CDK11B: variants seen among roughly 807,000 people sequenced by gnomAD.
CDK11B encodes the protein cyclin dependent kinase 11B.
Under a neutral mutation model 84.0 loss-of-function variants are expected in CDK11B, and 37 were observed. The ratio of observed to expected loss-of-function variants is 0.44; its 90% CI spans 0.34 to 0.58. The LOEUF (loss-of-function observed/expected upper bound fraction) is 0.58, where lower values mean the gene tolerates loss of function less well. Among genes scored for constraint, CDK11B ranks in the 20% least tolerant of loss-of-function variants. CDK11B has a pLI of 0.02. For missense variants in CDK11B, 427 were observed against 834.0 expected (o/e 0.51, Z 6.01); for synonymous variants, 269 against 309.8 (o/e 0.87, Z 1.38).
Position 1,640,412 on chromosome 1 carries a change from T to C in CDK11B, c.1116A>G (p.Glu372=), listed in dbSNP as rs1640095871. The change falls in exon 11 of 20, where the codon GAA becomes GAG. Residue 372 remains glutamate (E), a synonymous_variant. Transcript: ENST00000341832. ...CCTCACCCACTTCTTCCTCTGCTTCTTCACTCTCCCCGGAATCTCGGTCGA... is the reference window on the plus strand; with the variant it reads ...CCTCACCCACTTCTTCCTCTGCTTCCTCACTCTCCCCGGAATCTCGGTCGA... ...SRFDRDSGES[E]EAEEEVGEGT... 1.9e-6 allele frequency: 3 copies of C among 1,613,534 alleles called. No homozygotes were observed. Among genetic ancestry groups the C allele is most frequent in the Non-Finnish European group, 2.5e-6 (3 of 1,179,618 alleles).
intron 14 of CDK11B, 48 bp from the exon 15 acceptor site, chr1:1,637,250 G>C: frequency 1.2e-6 from 2 of 1,605,092 alleles, no homozygotes; most frequent in Non-Finnish European, 1.7e-6. Context: ...CCCCAGCCCA[G>C]GGCACTCAGG....
intron 5 of CDK11B, among the ~76,000 whole-genome samples, chr1:1,647,984 C>T (rs1019583420): frequency 1.3e-5 from 2 of 152,416 alleles, no homozygotes; most frequent in Admixed American, 6.5e-5. Flanking sequence ...TTACTGCTTT[C>T]ACCCACAGCT....
intron 4 of CDK11B, among the ~76,000 whole-genome samples, chr1:1,651,282 G>A (rs1641966924): frequency 6.6e-6 from 1 of 152,204 alleles, no homozygotes; most frequent in African/African-American, 2.4e-5. Flanking sequence ...ACAATATAAT[G>A]GGGGAGAGAA....
intron 6 of CDK11B, among the ~76,000 whole-genome samples, chr1:1,644,660 T>TA (rs1424640292): frequency 2.0e-5 from 3 of 150,274 alleles, no homozygotes; most frequent in East Asian, 1.9e-4. Context: ...GGTGAAGAAA[T>TA]AAAGATCTCC....
At position 1,641,150 on chromosome 1, in the gene CDK11B, C is replaced by A. The variant is rs576705294; in HGVS notation, c.1010-37G>T. 3.0e-4 allele frequency: 438 copies of A among 1,478,828 alleles called. No individual in the cohort carries two copies. The African/African-American group carries it at 5.6e-3, about 19-fold the overall frequency. 91.6% of individuals were successfully genotyped at this position (1,478,828 alleles called of 1,614,324 possible). A position where few individuals can be genotyped will look rare whatever the true frequency, so the allele number is the denominator to read the frequency against. On this transcript the variant is annotated intron_variant, in intron 9 of 19. Transcript: ENST00000341832. ...AGGAGGCGTCTGCTCAGACCAGCAC[C>A]GGGGCGAGTGCTGCCACAGGCAGGA...
intron 11 of CDK11B, among the ~76,000 whole-genome samples, chr1:1,639,703 G>A (rs535809367): frequency 3.6e-4 from 54 of 152,064 alleles, no homozygotes; most frequent in African/African-American, 9.1e-4. Context: ...GAACCTCTCC[G>A]CCCACAGGCA....
At chr1:1,636,533 C>T (rs930108897) in intron 17 of CDK11B, 52 bp from the exon 18 acceptor site, 22 of 1,586,848 alleles carry the variant, frequency 1.4e-5, no homozygotes, top group Non-Finnish European at 3.4e-6. Context: ...ACAGTGTTGG[C>T]ACCTGTGTCC....
chr1:1,650,147 G>T (rs1449631371), intron 4 of CDK11B, among the ~76,000 whole-genome samples: 1 of 149,624 alleles, frequency 6.7e-6, no homozygotes, highest in South Asian at 2.1e-4. Context: ...GCGGGCACCT[G>T]TAGTCCCAGC....
Position 1,637,277 on chromosome 1 carries a change from G to A in CDK11B, c.1571-75C>T, listed in dbSNP as rs1371265114. 2.7e-5 allele frequency: 42 copies of A among 1,583,980 alleles called. No homozygotes were observed. The Middle Eastern group carries it at 5.3e-4, about 20-fold the overall frequency. On this transcript the variant is annotated intron_variant, in intron 14 of 19. Transcript: ENST00000341832. ...GCACTCAGGGTGGCCCACTCGCCTC[G>A]GCAGCAACAGAGGCTTCTCAGGGCT... is the stretch of plus-strand genomic sequence containing the variant.
intron 3 of CDK11B, 117 bp downstream of exon 3, chr1:1,655,252 G>C (rs1379576949): frequency 7.8e-7 from 1 of 1,279,902 alleles, no homozygotes; most frequent in South Asian, 1.8e-5. Flanking sequence ...AGTAACTCTA[G>C]GAAAGAGTAA....
chr1:1,651,608 C>T (rs1420985154), intron 4 of CDK11B, among the ~76,000 whole-genome samples: 1 of 149,052 alleles, frequency 6.7e-6, no homozygotes, highest in Non-Finnish European at 1.5e-5. Flanking sequence ...GTCTGGGACA[C>T]ATGCATGCTT....
intron 3 of CDK11B, among the ~76,000 whole-genome samples, chr1:1,654,867 C>G (rs1335367560): frequency 1.3e-5 from 2 of 149,560 alleles, no homozygotes; most frequent in Non-Finnish European, 3.0e-5. Context: ...ACTGTGTTAG[C>G]CAGGATGGTC....
Position 1,640,250 on chromosome 1 carries a change from T to G in CDK11B, c.1251+27A>C. On this transcript the variant is annotated intron_variant, in intron 11 of 19. Transcript: ENST00000341832. ...TAACTCCGACTGCCAATGCGGACAG[T>G]GGCCCGGGGCGAGGGGAGGGCCTGA... 1.9e-6 allele frequency: 3 copies of G among 1,605,620 alleles called. 1 individual carries two copies. Among genetic ancestry groups the G allele is most frequent in the East Asian group, 2.3e-5 (1 of 44,430 alleles).
Position 1,640,312 on chromosome 1 carries a change from T to C in CDK11B, c.1216A>G (p.Lys406Glu), listed in dbSNP as rs1269189922. The C allele has an allele frequency of 6.2e-7, 1 of 1,611,916 alleles. No homozygotes were observed. Among genetic ancestry groups the C allele is most frequent in the Non-Finnish European group, 8.5e-7 (1 of 1,178,290 alleles). Residue 406 changes from lysine to glutamate, a missense_variant, in exon 11 of 20, where the codon AAG (lysine) becomes GAG (glutamate). Lys to Glu is a moderately conservative substitution (Grantham distance 56). This residue lies in a region of CDK11B where 43 missense variants were observed against 61.8 expected (regional missense o/e 0.70). Coordinates refer to ENST00000341832, the MANE Select transcript of CDK11B (RefSeq NM_033486.3). The stretch of plus-strand genomic sequence containing the variant: ...GGCAGGTACTTGGGCAGCTCCTGCT[T>C]GAGCTCGATGGGCGACAGGGCAGGG... ...DSPALSPIEL[K>E]QELPKYLPAL...
chr1:1,646,498 C>A (rs1641139351), intron 5 of CDK11B: 1 of 519,606 alleles, frequency 1.9e-6, no homozygotes, highest in South Asian at 1.4e-5. Flanking sequence ...TGCCACATAC[C>A]ATGACAACAG....
At chr1:1,651,615 G>A (rs1296105904) in intron 4 of CDK11B, among the ~76,000 whole-genome samples, 3 of 148,012 alleles carry the variant, frequency 2.0e-5, no homozygotes, top group Admixed American at 6.7e-5. Flanking sequence ...ACACATGCAT[G>A]CTTTTAGCTA....
At position 1,637,394 on chromosome 1, in the gene CDK11B, G is replaced by A. The variant is rs1163081585; in HGVS notation, c.1570+14C>T. The stretch of plus-strand genomic sequence containing the variant: ...CCACTTGTACGCAGACAGGCCCCTG[G>A]GGCGCGGCTGTACCTGGCAGGAAGG... On this transcript the variant is annotated intron_variant, in intron 14 of 19. Coordinates refer to ENST00000341832, the MANE Select transcript of CDK11B (RefSeq NM_033486.3). 1.9e-6 allele frequency: 3 copies of A among 1,612,020 alleles called. No individual in the cohort carries two copies. Among genetic ancestry groups the A allele is most frequent in the Admixed American group, 1.7e-5 (1 of 59,694 alleles).
At chr1:1,639,883 C>G (rs575391647) in intron 11 of CDK11B, among the ~76,000 whole-genome samples, 8 of 152,042 alleles carry the variant, frequency 5.3e-5, no homozygotes, top group African/African-American at 9.6e-5. Flanking sequence ...GCCGCTCCCC[C>G]ATCCAAGCCC....
rs1468233879 is a variant in CDK11B at position 1,637,209 on chromosome 1, G to C, written c.1571-7C>G. ...ATCAGGGTCTTCACCTCCCCTGGGA[G>C]GGAGGGAAGCTCCCATGTGGACCTG... On this transcript the variant is annotated splice_polypyrimidine_tract_variant and splice_region_variant and intron_variant, in intron 14 of 19. Coordinates refer to ENST00000341832, the MANE Select transcript of CDK11B (RefSeq NM_033486.3). 1 of 1,613,014 alleles carries C rather than the reference G, an allele frequency of 6.2e-7. No individual in the cohort carries two copies. Among genetic ancestry groups the C allele is most frequent in the East Asian group, 2.2e-5 (1 of 44,862 alleles).
Sources: allele counts gnomAD v4.1 joint callset (sites outside exome capture counted in the v4.1 genomes callset), GRCh38; gene constraint gnomAD v4.1.1; regional missense constraint gnomAD v4.1.1; transcripts MANE v1.5; gene names NCBI Gene and HGNC (gene_info 2026-07-23, HGNC 2026-07-21).